Variants in NEB observed in about 807,000 individuals in gnomAD.
NEB encodes the protein nemaline myopathy type 2.
NEB carries 512 observed loss-of-function variants against 952.2 expected under a neutral mutation model. The observed-to-expected ratio is 0.54, with a 90% CI of 0.50 to 0.58. The LOEUF is 0.58. Among genes scored for constraint, NEB ranks in the 20% least tolerant of loss-of-function variants. The probability of loss-of-function intolerance (pLI) is 0.00; values close to 1 mark genes in which losing one functional copy is unlikely to be tolerated. For synonymous variants in NEB, 2,900 were observed against 3,149.8 expected, an observed-to-expected ratio of 0.92 and a Z score of 2.66; for missense variants, 8,428 against 9,231.1, an observed-to-expected ratio of 0.91 and a Z score of 3.56.
chr2:151,612,087 A>G (rs1235119212), intron 78 of NEB, 99 bp downstream of exon 78: 1 of 1,313,584 alleles, frequency 7.6e-7, no homozygotes, highest in African/African-American at 1.5e-5. Flanking sequence ...CAGGCCTATG[A>G]CACCTCCTTT....
intron 45 of NEB, among the ~76,000 whole-genome samples, chr2:151,663,168 G>A (rs1015877973): frequency 6.6e-6 from 1 of 152,156 alleles, no homozygotes; most frequent in Non-Finnish European, 1.5e-5. Context: ...CGGTTGGGAG[G>A]GAGGGGCTGG....
In NEB at chr2:151,490,014, T is replaced by C. The variant is rs952273879; in HGVS notation, c.25361A>G (p.Gln8454Arg). Residue 8454 changes from glutamine to arginine, a missense_variant, in exon 181 of 182, where the codon CAG becomes CGG. Physicochemically the swap from Gln to Arg is conservative, Grantham distance 43. Transcript: ENST00000397345. ...QQRSSSVATQ[Q>R]TTVSSIPSHP... ...AGATGGGATGGAAGATACCGTTGTC[T>C]GTTGGGTAGCAACTGAAGATGATCG... 1 of 1,613,516 alleles carries C rather than the reference T, an allele frequency of 6.2e-7. No homozygotes were observed. Among genetic ancestry groups the C allele is most frequent in the Admixed American group, 1.7e-5 (1 of 60,026 alleles).
At chr2:151,505,773 T>G (rs1473163255) in intron 164 of NEB, among the ~76,000 whole-genome samples, 1 of 152,152 alleles carries the variant, frequency 6.6e-6, no homozygotes, top group Non-Finnish European at 1.5e-5. Flanking sequence ...GCTTTGTCTC[T>G]CTCTCGTCTC....
chr2:151,670,929 T>C, intron 38 of NEB, 94 bp downstream of exon 38: 1 of 1,291,230 alleles, frequency 7.7e-7, no homozygotes, highest in South Asian at 1.3e-5. Context: ...CTAACATAGA[T>C]GCATCCTCAC....
intron 28 of NEB, among the ~76,000 whole-genome samples, chr2:151,683,732 G>A (rs1415541142): frequency 1.3e-5 from 2 of 152,134 alleles, no homozygotes; most frequent in Non-Finnish European, 2.9e-5. Flanking sequence ...CAAAAGAATC[G>A]AAAGCAGGAT....
chr2:151,717,438 T>G lies in NEB; in HGVS notation c.800A>C (p.Lys267Thr), dbSNP rs2099762161. 6.2e-7 allele frequency: 1 copy of G among 1,613,560 alleles called. No homozygotes were observed. The highest frequency in any genetic ancestry group is 8.5e-7 in the Non-Finnish European group (1 of 1,179,474). Residue 267 changes from lysine to threonine, a missense_variant, in exon 10 of 182, where the codon AAA (lysine) becomes ACA (threonine). Coordinates refer to ENST00000397345, the MANE Select transcript of NEB (RefSeq NM_001164508.2). Reference sequence around the variant, plus strand: ...TACCTTGCTCACTTGATTGGTTACTTTCTTGGCAAATTCTATATCTGGAGG... The same window carrying G: ...TACCTTGCTCACTTGATTGGTTACTGTCTTGGCAAATTCTATATCTGGAGG... Reference protein sequence around the residue: ...ADPPDIEFAKKVTNQVSKQKY... With the variant: ...ADPPDIEFAKTVTNQVSKQKY...
intron 107 of NEB, among the ~76,000 whole-genome samples, chr2:151,573,499 T>C (rs778718663): frequency 1.3e-5 from 2 of 152,162 alleles, no homozygotes; most frequent in African/African-American, 2.4e-5. Context: ...CACCATGATA[T>C]TGATATCTGG....
In NEB at chr2:151,687,625, C is replaced by T; in HGVS notation, c.2523+1G>A. On this transcript the variant is annotated splice_donor_variant, in intron 26 of 181. Transcript: ENST00000397345. LOFTEE classifies it high-confidence loss of function. ...TCCCCAGGTCCCCAGGCCACACTCA[C>T]ATCGCTGGTGTTCTTGGTGTTGGCT... 6.2e-7 allele frequency: 1 copy of T among 1,613,290 alleles called. No individual in the cohort carries two copies.
rs145770770 is a variant in NEB at position 151,631,294 on chromosome 2, A to T, written c.9467T>A (p.Ile3156Asn). 25,751 of 1,613,792 alleles carry T rather than the reference A, an allele frequency of 0.016. 261 individuals carry two copies. The highest frequency in any genetic ancestry group is 0.021 in the South Asian group (1,919 of 91,074). ...GCACTTGACCACATCCATAGACCCA[A>T]TGGGGACCCAGCCAATGCCTCTCAG... Reference protein sequence around the residue: ...QWLRGIGWVPIGSMDVVKCKR... With the variant: ...QWLRGIGWVPNGSMDVVKCKR... The change falls in exon 66 of 182, where the codon ATT becomes AAT. Residue 3156 changes from isoleucine (I) to asparagine (N), a missense_variant. By Grantham distance (149) the Ile-to-Asn change is moderately radical (BLOSUM62 -3). Transcript: ENST00000397345.
chr2:151,568,519 C>T, intron 111 of NEB, 99 bp downstream of exon 111: 1 of 1,444,990 alleles, frequency 6.9e-7, no homozygotes, highest in Admixed American at 1.8e-5. Context: ...TGATTAAAAT[C>T]TGTATTTCAG....
chr2:151,629,722 C>A, intron 67 of NEB, 76 bp from the exon 68 acceptor site: 2 of 1,262,426 alleles, frequency 1.6e-6, no homozygotes. Context: ...TGACTTATAT[C>A]CTAAAATTTA....
In NEB at chr2:151,507,694, G is replaced by A. The variant is rs77630398; in HGVS notation, c.23451+311C>T. On this transcript the variant is annotated intron_variant, in intron 162 of 181. Coordinates refer to ENST00000397345, the MANE Select transcript of NEB (RefSeq NM_001164508.2). ...TTCTGAAGCTTTTATTGAATAAATT[G>A]TGTGTCTCTCTTGTTAATCTGTCTT... 39 of 285,716 alleles carry A rather than the reference G, an allele frequency of 1.4e-4. No homozygotes were observed. The East Asian group carries it at 2.4e-3, about 18-fold the overall frequency. 17.7% of individuals were successfully genotyped at this position (285,716 alleles called of 1,614,324 possible).
chr2:151,549,322 G>T (rs1217922551), intron 130 of NEB, among the ~76,000 whole-genome samples: 1 of 152,174 alleles, frequency 6.6e-6, no homozygotes, highest in Non-Finnish European at 1.5e-5. Flanking sequence ...AAATGGCTTG[G>T]GATAATTCAG....
In NEB at chr2:151,507,025, G is replaced by A. The variant is rs1282958056; in HGVS notation, c.23452-12C>T. 4.1e-6 allele frequency: 6 copies of A among 1,454,050 alleles called. No individual in the cohort carries two copies. Among genetic ancestry groups the A allele is most frequent in the Admixed American group, 1.7e-5 (1 of 59,642 alleles). 90.1% of individuals were successfully genotyped at this position (1,454,050 alleles called of 1,614,324 possible). Reference sequence around the variant, plus strand: ...CACTGGTATTGGAGCTATGAAGAAAGAGTAAACATCTTGTTAAGATTTCAA... The same window carrying A: ...CACTGGTATTGGAGCTATGAAGAAAAAGTAAACATCTTGTTAAGATTTCAA... On this transcript the variant is annotated splice_polypyrimidine_tract_variant and intron_variant, in intron 162 of 181. Coordinates refer to ENST00000397345, the MANE Select transcript of NEB (RefSeq NM_001164508.2).
rs767852758 is a variant in NEB, at chr2:151,494,257, T to C, written c.24487-4A>G. ...CCACATTTTCTTTGTACAAAACCTA[T>C]GGGAATCCAATGGGTCCAAAAAGCC... On this transcript the variant is annotated splice_polypyrimidine_tract_variant and splice_region_variant and intron_variant, in intron 173 of 181. Transcript: ENST00000397345. 2.0e-5 allele frequency: 32 copies of C among 1,584,886 alleles called. No homozygotes were observed. The highest frequency in any genetic ancestry group is 2.3e-5 in the Non-Finnish European group (27 of 1,161,882).
intron 7 of NEB, 140 bp from the exon 8 acceptor site, chr2:151,724,504 C>T (rs2150740187): frequency 1.5e-6 from 1 of 675,356 alleles, no homozygotes; most frequent in African/African-American, 1.8e-5. Context: ...ACCATGCCAA[C>T]ATCCTATAAT....
intron 75 of NEB, 105 bp downstream of exon 75, chr2:151,617,259 G>T: frequency 1.5e-6 from 1 of 679,302 alleles, no homozygotes; most frequent in Non-Finnish European, 2.4e-6. Flanking sequence ...GAAAATGGTA[G>T]TTTGTAGTAT....
At chr2:151,511,951 G>A (rs749398319) in intron 161 of NEB, among the ~76,000 whole-genome samples, 4 of 146,842 alleles carry the variant, frequency 2.7e-5, no homozygotes, top group African/African-American at 7.6e-5. Flanking sequence ...GTTGTACCAT[G>A]TTCTTCAGTA....
In NEB at chr2:151,519,776, C is replaced by G; in HGVS notation, c.22480-8G>C. ...ATTTTCTCGGTATTTAACCTAACAG[C>G]AAATGCAAACATCCAAATTATTCCT... On this transcript the variant is annotated splice_polypyrimidine_tract_variant and splice_region_variant and intron_variant, in intron 153 of 181. Coordinates refer to ENST00000397345, the MANE Select transcript of NEB (RefSeq NM_001164508.2). The G allele has an allele frequency of 6.5e-7, 1 of 1,526,718 alleles. No individual in the cohort carries two copies. Among genetic ancestry groups the G allele is most frequent in the South Asian group, 1.1e-5 (1 of 89,136 alleles). The allele number at this position is 1,526,718 out of a possible 1,614,324, so 94.6% of individuals were successfully genotyped here.
Sources: allele counts gnomAD v4.1 joint callset (sites outside exome capture counted in the v4.1 genomes callset), GRCh38; gene constraint gnomAD v4.1.1; transcripts MANE v1.5; gene names NCBI Gene and HGNC (gene_info 2026-07-23, HGNC 2026-07-21).